The following RELN variants were observed in gnomAD, a reference collection of about 807,000 sequenced individuals.
The protein encoded by RELN is reelin.
Under a neutral mutation model 427.6 loss-of-function variants are expected in RELN, and 108 were observed. The observed-to-expected ratio is 0.25, with a 90% CI of 0.22 to 0.30. RELN has a LOEUF of 0.30. Ranked by LOEUF, RELN falls within the 10% of genes least tolerant of loss-of-function variation. The pLI, the probability that RELN is intolerant of heterozygous loss-of-function variation, is 1.00. For synonymous variants in RELN, 1,524 were observed against 1,513.4 expected, an observed-to-expected ratio of 1.01 and a Z score of -0.16; for missense variants, 3,715 against 4,302.8, an observed-to-expected ratio of 0.86 and a Z score of 3.82.
At position 103,734,339 on chromosome 7, in the gene RELN, G is replaced by T. The variant is rs941864632; in HGVS notation, c.657-6132C>A. ...AAATGAATTGCTTCTCTGCCTAATA[G>T]TAAAAGTAATACTAAATGTTTCTGT... On this transcript the variant is annotated intron_variant, in intron 6 of 64. Coordinates refer to ENST00000428762, the MANE Select transcript of RELN (RefSeq NM_005045.4). Among the ~76,000 whole-genome samples the T allele has an allele frequency of 2.1e-4, 32 of 151,388 alleles. 1 individual carries two copies. Among genetic ancestry groups the T allele is most frequent in the African/African-American group, 7.7e-4 (32 of 41,502 alleles).
At chr7:103,914,559 C>G (rs560497693) in intron 2 of RELN, among the ~76,000 whole-genome samples, 1 of 152,040 alleles carries the variant, frequency 6.6e-6, no homozygotes, top group African/African-American at 2.4e-5. Context: ...CTAATTTTAT[C>G]GAGTGTTTTT....
rs144223228 is a variant in RELN, at chr7:103,756,394, T to C, written c.545-3180A>G. On this transcript the variant is annotated intron_variant, in intron 4 of 64. Coordinates refer to ENST00000428762, the MANE Select transcript of RELN (RefSeq NM_005045.4). Reference sequence around the variant, plus strand: ...CACTGGTTTAAACTACACAATCCACTGCTTATTTTTATAGCATGCTGAACT... The same window carrying C: ...CACTGGTTTAAACTACACAATCCACCGCTTATTTTTATAGCATGCTGAACT... Among the ~76,000 whole-genome samples, 524 of 152,320 alleles carry C rather than the reference T, an allele frequency of 3.4e-3. 2 individuals carry two copies. The highest frequency in any genetic ancestry group is 0.012 in the African/African-American group (496 of 41,578).
intron 34 of RELN, among the ~76,000 whole-genome samples, chr7:103,562,461 G>A (rs1830664838): frequency 1.3e-5 from 2 of 152,134 alleles, no homozygotes; most frequent in Non-Finnish European, 2.9e-5. Context: ...TTGAGGTTCT[G>A]GCTTTCTAAA....
intron 3 of RELN, among the ~76,000 whole-genome samples, chr7:103,805,031 A>G (rs1423746429): frequency 6.6e-6 from 1 of 152,002 alleles, no homozygotes; most frequent in African/African-American, 2.4e-5. Context: ...CATATGCATT[A>G]TATATAATCA....
intron 12 of RELN, among the ~76,000 whole-genome samples, chr7:103,654,535 T>A (rs1344706895): frequency 6.6e-6 from 1 of 152,088 alleles, no homozygotes; most frequent in Non-Finnish European, 1.5e-5. Flanking sequence ...AATAAACTGT[T>A]ATTTCCTTAA....
rs771683084 is a variant in RELN at position 103,713,520 on chromosome 7, CAG to C, written c.805+9618_805+9619del. ...TTAAAAAGCTAGAAGCTGTTACTCT[CAG>C]GGGATATTACATGTTACTCTAGGCT... On this transcript the variant is annotated intron_variant, in intron 8 of 64. Transcript: ENST00000428762. 1.1e-4 allele frequency among the ~76,000 whole-genome samples: 17 copies of C among 152,264 alleles called. 1 individual carries two copies. Among genetic ancestry groups the C allele is most frequent in the South Asian group, 8.3e-4 (4 of 4,820 alleles).
chr7:103,745,094 T>C (rs1032501593), intron 6 of RELN, among the ~76,000 whole-genome samples: 2 of 152,184 alleles, frequency 1.3e-5, no homozygotes, highest in African/African-American at 2.4e-5. Flanking sequence ...ATCCCTGGGA[T>C]GCAAGGCTGG....
At chr7:103,798,407 G>A (rs936091174) in intron 3 of RELN, among the ~76,000 whole-genome samples, 1 of 152,132 alleles carries the variant, frequency 6.6e-6, no homozygotes, top group Non-Finnish European at 1.5e-5. Context: ...AGGCCTACCT[G>A]TTATCGTTGG....
At chr7:103,976,186 A>C (rs938596536) in intron 1 of RELN, among the ~76,000 whole-genome samples, 2 of 152,200 alleles carry the variant, frequency 1.3e-5, no homozygotes, top group African/African-American at 4.8e-5. Context: ...GTATAGCTAG[A>C]ATGACTATAT....
rs555967535 is a variant in RELN at position 103,984,389 on chromosome 7, T to C, written c.226+4742A>G. Among the ~76,000 whole-genome samples the C allele has an allele frequency of 1.1e-4, 16 of 152,236 alleles. No individual in the cohort carries two copies. The East Asian group carries it at 3.1e-3, about 29-fold the overall frequency. ...ACATTTTCAATGCAAATAAAACTAA[T>C]AGTTTAAAACAAAGATTCACACAAA... is the stretch of plus-strand genomic sequence containing the variant. On this transcript the variant is annotated intron_variant, in intron 1 of 64. Coordinates refer to ENST00000428762, the MANE Select transcript of RELN (RefSeq NM_005045.4).
At chr7:103,639,151 C>G (rs983629673) in intron 17 of RELN, among the ~76,000 whole-genome samples, 1 of 152,100 alleles carries the variant, frequency 6.6e-6, no homozygotes, top group Non-Finnish European at 1.5e-5. Context: ...TTTCATAGAT[C>G]TACTGACCAG....
At chr7:103,491,498 T>A (rs566511396) in intron 58 of RELN, among the ~76,000 whole-genome samples, 14 of 152,208 alleles carry the variant, frequency 9.2e-5, no homozygotes, top group African/African-American at 3.4e-4. Context: ...CAAGTGAAAT[T>A]TATATAAAAA....
chr7:103,932,544 A>C (rs748449431), intron 1 of RELN, among the ~76,000 whole-genome samples: 3 of 152,204 alleles, frequency 2.0e-5, no homozygotes, highest in Non-Finnish European at 4.4e-5. Context: ...CTAAAATAAA[A>C]GCTTTAAAAA....
At chr7:103,966,556 A>T (rs1584407273) in intron 1 of RELN, among the ~76,000 whole-genome samples, 1 of 152,232 alleles carries the variant, frequency 6.6e-6, no homozygotes, top group East Asian at 1.9e-4. Context: ...GACTAGCTGT[A>T]ATGGAATGTT....
At chr7:103,585,202 A>G (rs1199641411) in intron 28 of RELN, among the ~76,000 whole-genome samples, 1 of 152,112 alleles carries the variant, frequency 6.6e-6, no homozygotes, top group Non-Finnish European at 1.5e-5. Context: ...GAAATAACAA[A>G]GATCAAAGCA....
chr7:103,590,581 T>C (rs1384663310), intron 27 of RELN, among the ~76,000 whole-genome samples: 3 of 149,942 alleles, frequency 2.0e-5, no homozygotes, highest in African/African-American at 7.4e-5. Flanking sequence ...AATAAATAAA[T>C]AAATAAATAA....
At chr7:103,894,147 A>G (rs757330618) in intron 2 of RELN, among the ~76,000 whole-genome samples, 6 of 152,190 alleles carry the variant, frequency 3.9e-5, no homozygotes, top group Non-Finnish European at 8.8e-5. Context: ...TAGCAAGAAC[A>G]TTCTTCATAT....
Position 103,483,787 on chromosome 7 carries a change from C to T in RELN, c.10047G>A (p.Leu3349=), listed in dbSNP as rs1182345742. Residue 3349 remains leucine (L), a synonymous_variant, in exon 62 of 65, where the codon CTG becomes CTA. Transcript: ENST00000428762. ...MSQTDSCNSD[L]SGPHAVDKAV... The stretch of plus-strand genomic sequence containing the variant: ...CCTTGTCCACAGCGTGGGGGCCACT[C>T]AGGTCACTGTTGCAGCTGTCCGTCT... 5.6e-6 allele frequency: 9 copies of T among 1,613,968 alleles called. No individual in the cohort carries two copies. The highest frequency in any genetic ancestry group is 1.7e-5 in the Admixed American group (1 of 60,006).
intron 3 of RELN, among the ~76,000 whole-genome samples, chr7:103,827,468 A>G (rs1394810677): frequency 6.6e-6 from 1 of 152,042 alleles, no homozygotes; most frequent in South Asian, 2.1e-4. Context: ...ATTTATTGAC[A>G]TATTTTATCT....
Sources: gnomAD v4.1 joint callset for allele counts (sites outside exome capture counted in the v4.1 genomes callset) on GRCh38, gnomAD v4.1.1 for gene constraint, MANE v1.5 for transcripts, NCBI Gene and HGNC (gene_info 2026-07-23, HGNC 2026-07-21) for gene names.